The following ELAVL4 variants were observed in gnomAD, a reference collection of about 807,000 sequenced individuals.
ELAVL4 encodes the protein ELAV like RNA binding protein 4.
ELAVL4 carries 1 observed loss-of-function variant against 35.6 expected under a neutral mutation model. The observed-to-expected ratio is 0.03, with a 90% CI of 0.01 to 0.13. The LOEUF is 0.13. ELAVL4 is among the 10% of genes least tolerant of loss of function. The pLI, the probability that ELAVL4 is intolerant of heterozygous loss-of-function variation, is 1.00. For synonymous variants in ELAVL4, 156 were observed against 171.0 expected (o/e 0.91, Z 0.69); for missense variants, 267 against 464.9 (o/e 0.57, Z 3.91).
At chr1:50,102,155 C>T (rs1195176866), upstream of ELAVL4, among the ~76,000 whole-genome samples, 1 of 151,906 alleles carries the variant, frequency 6.6e-6, no homozygotes, top group Non-Finnish European at 1.5e-5. Flanking sequence ...GGTGTGGTGG[C>T]GGGCACCAGT....
chr1:50,147,872 T>A (rs1674010397), intron 2 of ELAVL4, among the ~76,000 whole-genome samples: 1 of 152,190 alleles, frequency 6.6e-6, no homozygotes. Flanking sequence ...TGGATTCCCT[T>A]AGAAGGTTCT....
intron 3 of ELAVL4, among the ~76,000 whole-genome samples, chr1:50,185,522 T>A (rs71651139): frequency 0.04 from 6,157 of 152,320 alleles, 163 homozygotes; most frequent in Non-Finnish European, 0.062. Context: ...TGGAATTATA[T>A]CCCAGTTTGT....
chr1:50,103,953 A>G, upstream of ELAVL4: 1 of 1,613,930 alleles, frequency 6.2e-7, no homozygotes, highest in Admixed American at 1.7e-5. Flanking sequence ...ATGCTCTGGA[A>G]CTGCCCTAAT....
At chr1:50,177,302 T>G in intron 3 of ELAVL4, 110 bp downstream of exon 3, 1 of 805,536 alleles carries the variant, frequency 1.2e-6, no homozygotes, top group Non-Finnish European at 2.1e-6. Flanking sequence ...TCTTGATTTA[T>G]TCAAAGAACA....
intron 3 of ELAVL4, among the ~76,000 whole-genome samples, chr1:50,184,736 G>A (rs1184405307): frequency 6.6e-6 from 1 of 152,120 alleles, no homozygotes; most frequent in Admixed American, 6.5e-5. Flanking sequence ...TGTTTGCCTT[G>A]GGTGGTAATG....
chr1:50,175,597 G>A (rs147792867), intron 2 of ELAVL4: 1 of 152,280 alleles, frequency 6.6e-6, no homozygotes, highest in East Asian at 1.9e-4. Flanking sequence ...CCAAAACAAA[G>A]GAATATCCTA....
intron 1 of ELAVL4, among the ~76,000 whole-genome samples, chr1:50,119,039 AG>A (rs1295575637): frequency 4.1e-5 from 2 of 48,676 alleles, no homozygotes; most frequent in African/African-American, 8.4e-5. Context: ...AGAAAGAAAA[AG>A]AAAGAAAGAA....
At chr1:50,100,289 A>T (rs1005050386), upstream of ELAVL4, among the ~76,000 whole-genome samples, 5 of 152,188 alleles carry the variant, frequency 3.3e-5, no homozygotes, top group Non-Finnish European at 7.4e-5. Context: ...GAACGTACTG[A>T]ATAAGAGGTC....
At chr1:50,048,173 C>G (rs1190040411) in exon 1 of ELAVL4, 3 of 1,523,820 alleles carry the variant, frequency 2.0e-6, no homozygotes, top group South Asian at 1.2e-5. Flanking sequence ...AGATGCGCCT[C>G]AAGAACCAGG....
chr1:50,128,643 G>A (rs889595656), intron 1 of ELAVL4, among the ~76,000 whole-genome samples: 3 of 152,130 alleles, frequency 2.0e-5, no homozygotes, highest in African/African-American at 7.2e-5. Context: ...AGCCATGATG[G>A]GGGATTGGAG....
rs538534598 is a variant in ELAVL4, at chr1:50,191,728, T to G, written c.355-2037T>G. Among the ~76,000 whole-genome samples, 7 of 152,278 alleles carry G rather than the reference T, an allele frequency of 4.6e-5. No individual in the cohort carries two copies. In the South Asian group the frequency reaches 1.5e-3, roughly 32 times the overall value. On this transcript the variant is annotated intron_variant, in intron 3 of 6. Coordinates refer to ENST00000371824, the MANE Select transcript of ELAVL4 (RefSeq NM_001144774.3). Reference sequence around the variant, plus strand: ...ATTAGAGAAAGCTGCCTAGAGAAGATGTCATTTGATCTGAGCCCTGAAGAG... The same window carrying G: ...ATTAGAGAAAGCTGCCTAGAGAAGAGGTCATTTGATCTGAGCCCTGAAGAG...
intron 1 of ELAVL4, chr1:50,115,404 A>G (rs1288643534): frequency 6.6e-6 from 1 of 152,062 alleles, no homozygotes; most frequent in East Asian, 1.9e-4. Flanking sequence ...CAAAAGTAAA[A>G]TGCAAAACTA....
chr1:50,077,056 A>T (rs1358309865), intron 1 of ELAVL4, among the ~76,000 whole-genome samples: 1 of 152,012 alleles, frequency 6.6e-6, no homozygotes, highest in Non-Finnish European at 1.5e-5. Context: ...TCATACATAT[A>T]TGTTAGATAC....
intron 1 of ELAVL4, among the ~76,000 whole-genome samples, chr1:50,117,066 G>A (rs551267299): frequency 5.2e-4 from 79 of 152,212 alleles, no homozygotes; most frequent in African/African-American, 1.3e-3. Flanking sequence ...AAAGGGAATC[G>A]TTAGCTTTTA....
chr1:50,067,203 C>T (rs561134494), intron 1 of ELAVL4, among the ~76,000 whole-genome samples: 1 of 152,196 alleles, frequency 6.6e-6, no homozygotes, highest in African/African-American at 2.4e-5. Context: ...AGCTTAGTGG[C>T]CAAGTAATTC....
intron 4 of ELAVL4, among the ~76,000 whole-genome samples, chr1:50,194,354 G>A (rs1162104107): frequency 2.0e-5 from 3 of 152,174 alleles, no homozygotes; most frequent in Non-Finnish European, 1.5e-5. Context: ...TTGAAAGTGG[G>A]GGATCTGACT....
intron 1 of ELAVL4, among the ~76,000 whole-genome samples, chr1:50,087,918 C>T (rs1431292952): frequency 6.6e-6 from 1 of 152,230 alleles, no homozygotes; most frequent in Non-Finnish European, 1.5e-5. Flanking sequence ...CAGTCTATGG[C>T]ATTTTGCTAT....
At position 50,151,905 on chromosome 1, in the gene ELAVL4, A is replaced by G. The variant is rs142323298; in HGVS notation, c.250+6708A>G. 2.0e-3 allele frequency among the ~76,000 whole-genome samples: 300 copies of G among 152,324 alleles called. 1 individual carries two copies. Among genetic ancestry groups the G allele is most frequent in the Admixed American group, 2.7e-3 (42 of 15,290 alleles). ...AGATTTGGCAGCCTAATGGGGTTGC[A>G]AAACAGGAGAATTGGAGTCTGCCTT... is the stretch of plus-strand genomic sequence containing the variant. On this transcript the variant is annotated intron_variant, in intron 2 of 6. Transcript: ENST00000371824.
At chr1:50,143,002 A>G (rs944909008) in intron 1 of ELAVL4, among the ~76,000 whole-genome samples, 62 of 152,226 alleles carry the variant, frequency 4.1e-4, no homozygotes, top group Non-Finnish European at 4.6e-4. Context: ...ACAAAAGAGT[A>G]TGTGTTGTAT....
Sources: gnomAD v4.1 joint callset for allele counts (sites outside exome capture counted in the v4.1 genomes callset) on GRCh38, gnomAD v4.1.1 for gene constraint, MANE v1.5 for transcripts, NCBI Gene and HGNC (gene_info 2026-07-23, HGNC 2026-07-21) for gene names.